The following KRT72 variants were observed in gnomAD, a reference collection of about 807,000 sequenced individuals.
KRT72 encodes keratin, type II cytoskeletal 72.
A neutral mutation model predicts 44.7 loss-of-function variants in KRT72; 44 were observed. The ratio of observed to expected loss-of-function variants is 0.98; its 90% CI spans 0.77 to 1.27. The LOEUF (loss-of-function observed/expected upper bound fraction) is 1.27. KRT72 is among the 50% of genes most tolerant of loss of function. The pLI, the probability that KRT72 is intolerant of heterozygous loss-of-function variation, is 0.00. For missense variants in KRT72, 736 were observed against 667.1 expected, an observed-to-expected ratio of 1.10 and a Z score of -1.14; for synonymous variants, 302 against 280.4, an observed-to-expected ratio of 1.08 and a Z score of -0.77.
At chr12:52,591,381 C>T (rs60159645) in intron 5 of KRT72, 83 bp downstream of exon 5, 36 of 1,174,688 alleles carry the variant, frequency 3.1e-5, no homozygotes, top group South Asian at 2.3e-4. Flanking sequence ...CACAAACACA[C>T]GCACACACAC....
At chr12:52,595,770 G>A (rs141780055) in intron 2 of KRT72, among the ~76,000 whole-genome samples, 102 of 152,274 alleles carry the variant, frequency 6.7e-4, no homozygotes, top group African/African-American at 2.3e-3. Flanking sequence ...TGGATTAAAC[G>A]TGGTGCTCCT....
chr12:52,601,494 G>A, upstream of KRT72: 2 of 1,525,262 alleles, frequency 1.3e-6, no homozygotes, highest in African/African-American at 1.4e-5. Context: ...AGGCAGAAGG[G>A]GCGCAAACAG....
In KRT72 at chr12:52,585,852, A is replaced by G; in HGVS notation, c.*130T>C. ...GCATCACACCTTGAGGACAACAGGGAGAGGAAATGGGGTTGGGACTGTAGT... is the reference window on the plus strand; with the variant it reads ...GCATCACACCTTGAGGACAACAGGGGGAGGAAATGGGGTTGGGACTGTAGT... On this transcript the variant is annotated 3_prime_UTR_variant, in exon 9 of 9. Transcript: ENST00000293745. The G allele has an allele frequency of 1.2e-6, 1 of 817,258 alleles. No homozygotes were observed. Among genetic ancestry groups the G allele is most frequent in the Non-Finnish European group, 2.0e-6 (1 of 501,938 alleles). 50.6% of individuals were successfully genotyped at this position (817,258 alleles called of 1,614,324 possible).
At chr12:52,590,808 G>A in intron 6 of KRT72, 28 bp downstream of exon 6, 2 of 1,555,972 alleles carry the variant, frequency 1.3e-6, no homozygotes, top group Non-Finnish European at 8.8e-7. Context: ...AATAAATACT[G>A]TTAGTGGATT....
intron 2 of KRT72, among the ~76,000 whole-genome samples, chr12:52,595,328 T>G (rs1471338817): frequency 6.6e-6 from 1 of 152,146 alleles, no homozygotes; most frequent in Non-Finnish European, 1.5e-5. Flanking sequence ...TGATTTCTCT[T>G]GTTTTATAAC....
chr12:52,598,178 T>TTAAGCTACAG (rs1374904887), intron 2 of KRT72, among the ~76,000 whole-genome samples: 1 of 152,226 alleles, frequency 6.6e-6, no homozygotes, highest in South Asian at 2.1e-4. Context: ...CCTCCTTCCT[T>TTAAGCTACAG]AGGTTCTCCA....
chr12:52,586,849 C>G (rs1939773417), intron 8 of KRT72, 97 bp downstream of exon 8: 4 of 1,204,082 alleles, frequency 3.3e-6, no homozygotes, highest in Non-Finnish European at 5.0e-6. Flanking sequence ...CCTGAGCCCC[C>G]TCTGTCATTC....
At chr12:52,601,641 C>A (rs1467649965), upstream of KRT72, 17 of 602,476 alleles carry the variant, frequency 2.8e-5, 1 homozygote, top group South Asian at 3.1e-4. Context: ...ATGCACTCAC[C>A]GAGATTTTTG....
chr12:52,587,869 C>T lies in KRT72; in HGVS notation c.1090-18G>A. The T allele has an allele frequency of 6.2e-7, 1 of 1,610,184 alleles. No homozygotes were observed. The highest frequency in any genetic ancestry group is 2.2e-5 in the East Asian group (1 of 44,850). On this transcript the variant is annotated intron_variant, in intron 6 of 8. Transcript: ENST00000293745. The stretch of plus-strand genomic sequence containing the variant: ...TCGGCACACTGAGGGGCAAACAGAT[C>T]CAGCACTTAAGAGTCAGAGCCCAGT...
chr12:52,597,559 A>G (rs1940264671), intron 2 of KRT72, among the ~76,000 whole-genome samples: 1 of 152,198 alleles, frequency 6.6e-6, no homozygotes, highest in South Asian at 2.1e-4. Flanking sequence ...ATTTCATTTA[A>G]TCCCCACGAC....
chr12:52,600,454 C>A (rs1940386392), intron 1 of KRT72, among the ~76,000 whole-genome samples: 1 of 152,178 alleles, frequency 6.6e-6, no homozygotes. Flanking sequence ...TGTGTCCCCA[C>A]CCAAATCTCA....
At position 52,598,887 on chromosome 12, in the gene KRT72, C is replaced by T; in HGVS notation, c.641+11G>A. The T allele has an allele frequency of 6.2e-7, 1 of 1,612,674 alleles. No homozygotes were observed. The highest frequency in any genetic ancestry group is 2.2e-5 in the East Asian group (1 of 44,872). On this transcript the variant is annotated intron_variant, in intron 2 of 8. Transcript: ENST00000293745. ...GATCCTCCAGGGCCATATTCCCTGC[C>T]ACTCACTCACCTCTTCTTGTAGTCC...
intron 4 of KRT72, 56 bp downstream of exon 4, chr12:52,592,340 C>T: frequency 7.8e-7 from 1 of 1,284,070 alleles, no homozygotes; most frequent in Non-Finnish European, 1.1e-6. Context: ...AGCCAGGGGC[C>T]AGAAACCTCT....
At position 52,586,842 on chromosome 12, in the gene KRT72, G is replaced by T; in HGVS notation, c.1345+104C>A. On this transcript the variant is annotated intron_variant, in intron 8 of 8. Transcript: ENST00000293745. ...TTCCTTTTTCCCTTAAGTCTCCCCT[G>T]AGCCCCCTCTGTCATTCTGATTTCT... The T allele has an allele frequency of 5.4e-6, 6 of 1,116,644 alleles. No homozygotes were observed. In the Middle Eastern group the frequency reaches 1.2e-3, roughly 219 times the overall value. 69.2% of individuals were successfully genotyped at this position (1,116,644 alleles called of 1,614,324 possible).
intron 6 of KRT72, 111 bp downstream of exon 6, chr12:52,590,725 A>C: frequency 9.6e-7 from 1 of 1,043,812 alleles, no homozygotes; most frequent in Non-Finnish European, 1.3e-6. Context: ...CTCCTGGTAA[A>C]TTAGAGGAGG....
intron 1 of KRT72, among the ~76,000 whole-genome samples, chr12:52,600,644 C>A (rs551722286): frequency 1.3e-5 from 2 of 152,270 alleles, no homozygotes; most frequent in South Asian, 4.2e-4. Context: ...TCTCTGGCCG[C>A]CGCCATATAA....
chr12:52,585,862 G>C lies in KRT72; in HGVS notation c.*120C>G, dbSNP rs1046546667. ...TTGAGGACAACAGGGAGAGGAAATG[G>C]GGTTGGGACTGTAGTGACAGACAAA... is the stretch of plus-strand genomic sequence containing the variant. On this transcript the variant is annotated 3_prime_UTR_variant, in exon 9 of 9. Transcript: ENST00000293745. The C allele has an allele frequency of 3.5e-5, 31 of 883,886 alleles. No individual in the cohort carries two copies. In the East Asian group the frequency reaches 5.6e-4, roughly 16 times the overall value. 54.8% of individuals were successfully genotyped at this position (883,886 alleles called of 1,614,324 possible). A position where few individuals can be genotyped will look rare whatever the true frequency, so the allele number is the denominator to read the frequency against.
At position 52,586,225 on chromosome 12, in the gene KRT72, G is replaced by A. The variant is rs1271499875; in HGVS notation, c.1346-53C>T. ...CCCCGTCAGCTCTAGCCCCACGTCAGAGCCCCTTCTTGGGCATCTCGGGCC... is the reference window on the plus strand; with the variant it reads ...CCCCGTCAGCTCTAGCCCCACGTCAAAGCCCCTTCTTGGGCATCTCGGGCC... On this transcript the variant is annotated intron_variant, in intron 8 of 8. Coordinates refer to ENST00000293745, the MANE Select transcript of KRT72 (RefSeq NM_080747.3). The A allele has an allele frequency of 2.6e-6, 4 of 1,524,794 alleles. No individual in the cohort carries two copies. In the African/African-American group the frequency reaches 4.1e-5, roughly 16 times the overall value. The allele number at this position is 1,524,794 out of a possible 1,614,324, so 94.5% of individuals were successfully genotyped here.
chr12:52,589,606 T>G (rs1309733188), intron 6 of KRT72, among the ~76,000 whole-genome samples: 1 of 152,190 alleles, frequency 6.6e-6, no homozygotes, highest in Non-Finnish European at 1.5e-5. Context: ...ACATGAATGC[T>G]GAGGACACCA....
Sources: gnomAD v4.1 joint callset for allele counts (sites outside exome capture counted in the v4.1 genomes callset) on GRCh38, gnomAD v4.1.1 for gene constraint, MANE v1.5 for transcripts, NCBI Gene and HGNC (gene_info 2026-07-23, HGNC 2026-07-21) for gene names.